The following NT5DC3 variants were observed in gnomAD, a reference collection of about 807,000 sequenced individuals.
The protein encoded by NT5DC3 is 5'-nucleotidase domain containing 3.
NT5DC3 carries 42 observed loss-of-function variants against 67.8 expected under a neutral mutation model. That is an observed-to-expected ratio of 0.62 (90% CI 0.48 to 0.80). The LOEUF (loss-of-function observed/expected upper bound fraction) is 0.80. NT5DC3 is among the 30% of genes least tolerant of loss of function. The pLI, the probability that NT5DC3 is intolerant of heterozygous loss-of-function variation, is 0.00. For missense variants in NT5DC3, 570 were observed against 696.4 expected (o/e 0.82, Z 2.04); for synonymous variants, 237 against 255.6 (o/e 0.93, Z 0.69).
downstream of NT5DC3, among the ~76,000 whole-genome samples, chr12:103,765,659 T>A (rs1884892753): frequency 6.6e-6 from 1 of 152,114 alleles, no homozygotes; most frequent in Admixed American, 6.5e-5. Context: ...CAGGTGATCC[T>A]CCCACCTCAG....
chr12:103,803,369 A>G (rs1886662897), intron 4 of NT5DC3, among the ~76,000 whole-genome samples: 1 of 152,236 alleles, frequency 6.6e-6, no homozygotes, highest in Non-Finnish European at 1.5e-5. Context: ...ATGAATGAAC[A>G]ACATTCACCT....
intron 13 of NT5DC3, among the ~76,000 whole-genome samples, chr12:103,779,264 T>A (rs550394095): frequency 1.1e-3 from 171 of 152,226 alleles, no homozygotes; most frequent in Non-Finnish European, 1.8e-3. Context: ...GGCATGTATA[T>A]CTATATCAAC....
At chr12:103,759,045 A>G in the NT5DC3 span, 8 of 1,606,384 alleles carry the variant, frequency 5.0e-6, no homozygotes, top group East Asian at 1.3e-4. Flanking sequence ...GGCCATGAGA[A>G]GCAATTTTCT....
chr12:103,807,833 T>C (rs554640625), intron 2 of NT5DC3, among the ~76,000 whole-genome samples: 2 of 152,188 alleles, frequency 1.3e-5, no homozygotes, highest in Non-Finnish European at 1.5e-5. Context: ...TTGGTTCTCA[T>C]TCTCTCTCTT....
chr12:103,808,849 A>C (rs1202071702), intron 2 of NT5DC3, among the ~76,000 whole-genome samples: 1 of 152,232 alleles, frequency 6.6e-6, no homozygotes, highest in African/African-American at 2.4e-5. Flanking sequence ...GAAATATTTT[A>C]ATATGTCACT....
chr12:103,822,954 A>G (rs117638112), intron 1 of NT5DC3, among the ~76,000 whole-genome samples: 1,670 of 152,312 alleles, frequency 0.011, 16 homozygotes, highest in Non-Finnish European at 0.017. Context: ...CATCTCAGAT[A>G]TTTGAACTCA....
At position 103,841,030 on chromosome 12, in the gene NT5DC3, A is replaced by G. The variant is rs1888398796; in HGVS notation, c.127T>C (p.Leu43=). The change falls in exon 1 of 14, where the codon TTG becomes CTG. Residue 43 remains leucine (L), a synonymous_variant. Coordinates refer to ENST00000392876, the MANE Select transcript of NT5DC3 (RefSeq NM_001031701.3). ...GGGGCGGTCCCGGGTGCAGTGCACA[A>G]GGGCCGGGCGGGGCCCGCACACGGC... ...GRPCAGPARP[L]CTAPGTAPDM... is the part of the protein sequence containing the mutation. 3 of 1,274,570 alleles carry G rather than the reference A, an allele frequency of 2.4e-6. No individual in the cohort carries two copies. The highest frequency in any genetic ancestry group is 3.1e-5 in the African/African-American group (2 of 64,494). The allele number at this position is 1,274,570 out of a possible 1,614,324, so 79.0% of individuals were successfully genotyped here. A position where few individuals can be genotyped will look rare whatever the true frequency, so the allele number is the denominator to read the frequency against.
At chr12:103,790,344 T>C (rs1402942747) in intron 9 of NT5DC3, among the ~76,000 whole-genome samples, 1 of 149,716 alleles carries the variant, frequency 6.7e-6, no homozygotes, top group Admixed American at 6.6e-5. Flanking sequence ...GGTGCAACCT[T>C]GGCTCACTGC....
At chr12:103,746,367 A>T in the NT5DC3 span, 2 of 395,548 alleles carry the variant, frequency 5.1e-6, no homozygotes, top group Non-Finnish European at 9.3e-6. Flanking sequence ...TTTTTCTCAT[A>T]TAAATCTCAA....
rs558927251 is a variant in NT5DC3, at chr12:103,838,954, G to A, written c.208+1995C>T. Among the ~76,000 whole-genome samples, 9 of 152,322 alleles carry A rather than the reference G, an allele frequency of 5.9e-5. No individual in the cohort carries two copies. In the East Asian group the frequency reaches 1.7e-3, roughly 29 times the overall value. ...ATAGTGCTCCAGGGATTGGGGACAAGGGAGAACATGATGGGGGAGATGGGT... is the reference window on the plus strand; with the variant it reads ...ATAGTGCTCCAGGGATTGGGGACAAAGGAGAACATGATGGGGGAGATGGGT... On this transcript the variant is annotated intron_variant, in intron 1 of 13. Coordinates refer to ENST00000392876, the MANE Select transcript of NT5DC3 (RefSeq NM_001031701.3).
the NT5DC3 span, chr12:103,761,301 C>T: frequency 5.1e-5 from 82 of 1,613,796 alleles, no homozygotes; most frequent in African/African-American, 3.9e-4. Context: ...TTTCCCTAGA[C>T]GGAGACCAGG....
intron 1 of NT5DC3, among the ~76,000 whole-genome samples, chr12:103,837,974 C>T (rs1051281358): frequency 9.2e-5 from 14 of 152,146 alleles, no homozygotes; most frequent in Admixed American, 8.5e-4. Flanking sequence ...AATAAAGACA[C>T]ACCTGGGACT....
Position 103,827,507 on chromosome 12 carries a change from G to A in NT5DC3, c.209-12386C>T, listed in dbSNP as rs935677334. Among the ~76,000 whole-genome samples the A allele has an allele frequency of 7.2e-5, 11 of 152,258 alleles. 1 individual carries two copies. Among genetic ancestry groups the A allele is most frequent in the South Asian group, 6.2e-4 (3 of 4,830 alleles). ...CTAAGGATTAATATTCACTAGTAGT[G>A]TTTCTCAAGTAGATTTTTCTGCTCG... On this transcript the variant is annotated intron_variant, in intron 1 of 13. Coordinates refer to ENST00000392876, the MANE Select transcript of NT5DC3 (RefSeq NM_001031701.3).
chr12:103,750,478 T>G, the NT5DC3 span: 855 of 1,481,404 alleles, frequency 5.8e-4, 6 homozygotes, highest in African/African-American at 0.01. Flanking sequence ...TCTTGGTCCA[T>G]CTGAACACCT....
chr12:103,749,082 A>C, the NT5DC3 span: 1 of 1,614,132 alleles, frequency 6.2e-7, no homozygotes, highest in South Asian at 1.1e-5. Context: ...GCACAGCTGC[A>C]CAGAGATAGA....
intron 2 of NT5DC3, 75 bp downstream of exon 2, chr12:103,814,862 T>C (rs1374124526): frequency 4.7e-6 from 5 of 1,067,000 alleles, no homozygotes; most frequent in Non-Finnish European, 6.5e-6. Context: ...GTGGCAGACT[T>C]GGGGTCATGT....
At chr12:103,767,480 G>A (rs1051339066), downstream of NT5DC3, among the ~76,000 whole-genome samples, 13 of 152,096 alleles carry the variant, frequency 8.5e-5, no homozygotes, top group African/African-American at 1.9e-4. Context: ...AGTGACGGTC[G>A]TACTACCTTA....
chr12:103,763,503 C>T, the NT5DC3 span: 3 of 1,613,934 alleles, frequency 1.9e-6, no homozygotes, highest in East Asian at 4.5e-5. Flanking sequence ...CGGAAGAGGA[C>T]ATTAATGTTG....
At chr12:103,746,773 G>T in the NT5DC3 span, 4 of 1,498,568 alleles carry the variant, frequency 2.7e-6, no homozygotes, top group Non-Finnish European at 3.7e-6. Context: ...TGCTCACAGT[G>T]CCTGGGCTTC....
Sources: gnomAD v4.1 joint callset for allele counts (sites outside exome capture counted in the v4.1 genomes callset) on GRCh38, gnomAD v4.1.1 for gene constraint, MANE v1.5 for transcripts, NCBI Gene and HGNC (gene_info 2026-07-23, HGNC 2026-07-21) for gene names.